Variants in SGCZ observed in about 807,000 individuals in gnomAD.
The protein encoded by SGCZ is sarcoglycan zeta.
Under a neutral mutation model 41.3 loss-of-function variants are expected in SGCZ, and 40 were observed. That is an observed-to-expected ratio of 0.97 (90% CI 0.75 to 1.26). The LOEUF (loss-of-function observed/expected upper bound fraction) is 1.26, where lower values mean the gene tolerates loss of function less well. SGCZ is among the 50% of genes most tolerant of loss of function. The probability of loss-of-function intolerance (pLI) is 0.00; values close to 1 mark genes in which losing one functional copy is unlikely to be tolerated. For missense variants in SGCZ, 552 were observed against 369.8 expected (o/e 1.49, Z -4.04); for synonymous variants, 206 against 137.5 (o/e 1.50, Z -3.49).
At position 14,764,811 on chromosome 8, in the gene SGCZ, T is replaced by A. The variant is rs548578776; in HGVS notation, c.40-209885A>T. ...TGAGGCAATGCTACATATTGTTGAATAATGAACATGCTTCTGATATGTAGA... is the reference window on the plus strand; with the variant it reads ...TGAGGCAATGCTACATATTGTTGAAAAATGAACATGCTTCTGATATGTAGA... On this transcript the variant is annotated intron_variant, in intron 1 of 7. Transcript: ENST00000382080. Among the ~76,000 whole-genome samples the A allele has an allele frequency of 5.9e-5, 9 of 152,348 alleles. No individual in the cohort carries two copies. The South Asian group carries it at 1.9e-3, about 32-fold the overall frequency.
At chr8:14,426,525 T>C (rs759695191) in intron 2 of SGCZ, among the ~76,000 whole-genome samples, 13 of 152,100 alleles carry the variant, frequency 8.5e-5, no homozygotes, top group Non-Finnish European at 1.9e-4. Flanking sequence ...GTGTCAGTTA[T>C]GACCAGGAGA....
chr8:14,653,990 C>T (rs1807482491), intron 1 of SGCZ, among the ~76,000 whole-genome samples: 1 of 152,038 alleles, frequency 6.6e-6, no homozygotes, highest in South Asian at 2.1e-4. Context: ...CATTTGCTTG[C>T]TCAATTGAAT....
chr8:14,331,244 C>G (rs955318517), intron 2 of SGCZ, among the ~76,000 whole-genome samples: 2 of 151,776 alleles, frequency 1.3e-5, no homozygotes, highest in African/African-American at 4.8e-5. Context: ...AAATTAAAAA[C>G]CATATTTAAA....
At chr8:14,933,954 TGGA>T (rs1458675438) in intron 1 of SGCZ, among the ~76,000 whole-genome samples, 7 of 151,922 alleles carry the variant, frequency 4.6e-5, no homozygotes, top group African/African-American at 4.8e-5. Flanking sequence ...TTACGGTGGG[TGGA>T]GAAGAAGAAA....
Position 14,878,862 on chromosome 8 carries a change from G to C in SGCZ, c.40-323936C>G, listed in dbSNP as rs76105024. ...TAGTTTCAAGAAACAGATGGACAGT[G>C]AATGTGAATACATTAGTGAAAGCAG... On this transcript the variant is annotated intron_variant, in intron 1 of 7. Transcript: ENST00000382080. Among the ~76,000 whole-genome samples, 623 of 152,314 alleles carry C rather than the reference G, an allele frequency of 4.1e-3. 4 individuals are homozygous for C. Among genetic ancestry groups the C allele is most frequent in the African/African-American group, 0.014 (594 of 41,568 alleles).
chr8:14,101,254 A>G (rs905278811), intron 7 of SGCZ, among the ~76,000 whole-genome samples: 1 of 152,164 alleles, frequency 6.6e-6, no homozygotes, highest in African/African-American at 2.4e-5. Context: ...AGTCAGTGGC[A>G]TGAGGCACAG....
intron 4 of SGCZ, among the ~76,000 whole-genome samples, chr8:14,192,267 T>C (rs1387144931): frequency 6.6e-6 from 1 of 152,006 alleles, no homozygotes; most frequent in Non-Finnish European, 1.5e-5. Flanking sequence ...AATAAAGATA[T>C]ATCCCAAGGT....
At chr8:14,197,573 A>C (rs1204607148) in intron 4 of SGCZ, among the ~76,000 whole-genome samples, 1 of 152,128 alleles carries the variant, frequency 6.6e-6, no homozygotes, top group Non-Finnish European at 1.5e-5. Flanking sequence ...TAATTATCTT[A>C]GTACCTAGAG....
intron 3 of SGCZ, among the ~76,000 whole-genome samples, chr8:14,308,174 T>G (rs1410263917): frequency 1.3e-5 from 2 of 152,098 alleles, no homozygotes; most frequent in African/African-American, 4.8e-5. Flanking sequence ...GCTGGACATA[T>G]AGAACATTAC....
At chr8:14,359,326 C>T (rs1207295653) in intron 2 of SGCZ, among the ~76,000 whole-genome samples, 2 of 152,204 alleles carry the variant, frequency 1.3e-5, no homozygotes, top group Middle Eastern at 3.4e-3. Context: ...ACTATCCAGA[C>T]AGAAAATCAA....
intron 1 of SGCZ, among the ~76,000 whole-genome samples, chr8:14,666,133 T>C (rs1807902912): frequency 6.6e-6 from 1 of 152,162 alleles, no homozygotes; most frequent in Admixed American, 6.5e-5. Flanking sequence ...GTTTCTGATG[T>C]TTTTGCCAAG....
intron 1 of SGCZ, among the ~76,000 whole-genome samples, chr8:14,841,229 A>T (rs1405135782): frequency 5.9e-5 from 9 of 152,142 alleles, no homozygotes; most frequent in Non-Finnish European, 1.3e-4. Flanking sequence ...TCAACCATCA[A>T]ATGTAAACTA....
At chr8:14,948,015 A>G (rs1563383472) in intron 1 of SGCZ, among the ~76,000 whole-genome samples, 1 of 152,196 alleles carries the variant, frequency 6.6e-6, no homozygotes, top group Non-Finnish European at 1.5e-5. Flanking sequence ...TGAAGAAGGC[A>G]AGCCTTCTGA....
chr8:14,232,042 A>T (rs1297052794), intron 4 of SGCZ, among the ~76,000 whole-genome samples: 1 of 151,994 alleles, frequency 6.6e-6, no homozygotes, highest in African/African-American at 2.4e-5. Context: ...ATTAATAGAC[A>T]TTGACTCAAA....
intron 1 of SGCZ, among the ~76,000 whole-genome samples, chr8:15,136,997 T>C (rs925781934): frequency 6.6e-6 from 1 of 152,128 alleles, no homozygotes; most frequent in African/African-American, 2.4e-5. Flanking sequence ...CTTAGAGACT[T>C]GAAGGGCTTA....
intron 1 of SGCZ, among the ~76,000 whole-genome samples, chr8:14,568,269 A>C (rs949738200): frequency 1.3e-5 from 2 of 152,040 alleles, no homozygotes; most frequent in Non-Finnish European, 2.9e-5. Flanking sequence ...GCATCAGGAC[A>C]ATACCTAATG....
intron 2 of SGCZ, among the ~76,000 whole-genome samples, chr8:14,400,634 C>T (rs1434314246): frequency 6.6e-6 from 1 of 152,130 alleles, no homozygotes; most frequent in African/African-American, 2.4e-5. Flanking sequence ...AGACCACATA[C>T]TGAATACATG....
chr8:14,239,169 G>T (rs1024752938), intron 3 of SGCZ, among the ~76,000 whole-genome samples: 23 of 151,688 alleles, frequency 1.5e-4, no homozygotes, highest in Non-Finnish European at 3.4e-4. Flanking sequence ...ACTAAAGATT[G>T]TTTGCAAACA....
At chr8:14,880,528 C>G (rs1231488313) in intron 1 of SGCZ, among the ~76,000 whole-genome samples, 1 of 152,122 alleles carries the variant, frequency 6.6e-6, no homozygotes, top group Non-Finnish European at 1.5e-5. Flanking sequence ...GCACTATTCA[C>G]AATAGCAAAG....
Sources: gnomAD v4.1 joint callset for allele counts (sites outside exome capture counted in the v4.1 genomes callset) on GRCh38, gnomAD v4.1.1 for gene constraint, MANE v1.5 for transcripts, NCBI Gene and HGNC (gene_info 2026-07-23, HGNC 2026-07-21) for gene names.